The following OXNAD1 variants were observed in gnomAD, a reference collection of about 807,000 sequenced individuals.
The protein encoded by OXNAD1 is oxidoreductase NAD-binding domain-containing protein 1.
OXNAD1 carries 34 observed loss-of-function variants against 32.9 expected under a neutral mutation model. The ratio of observed to expected loss-of-function variants is 1.03; its 90% CI spans 0.79 to 1.38. The LOEUF (loss-of-function observed/expected upper bound fraction) is 1.38, where lower values mean the gene tolerates loss of function less well. OXNAD1 is among the 40% of genes most tolerant of loss of function. The pLI is 0.00. For synonymous variants in OXNAD1, 134 were observed against 135.2 expected (o/e 0.99, Z 0.06); for missense variants, 407 against 379.4 (o/e 1.07, Z -0.60).
Position 16,316,963 on chromosome 3 carries a change from C to T in OXNAD1, c.*30+13371C>T, listed in dbSNP as rs770403230. ...GGCTGGCAGGACCATTCTGCACAGC[C>T]TCACCCTCCACACCCACCCCACACA... On this transcript the variant is annotated intron_variant, in intron 9 of 9. Transcript: ENST00000435829. The surrounding 1 kb of genome is among the most constrained non-coding windows in gnomAD (Gnocchi z 4.5). The T allele has an allele frequency of 6.2e-7, 1 of 1,614,054 alleles. No individual in the cohort carries two copies. Among genetic ancestry groups the T allele is most frequent in the Non-Finnish European group, 8.5e-7 (1 of 1,180,012 alleles).
In OXNAD1 at chr3:16,303,537, A is replaced by C; in HGVS notation, c.914A>C (p.His305Pro). 6.2e-7 allele frequency: 1 copy of C among 1,614,018 alleles called. No homozygotes were observed. ...QLENNHVPKE[H>P]ICFEKWW ...GAAAACAACCATGTACCCAAAGAAC[A>C]CATTTGCTTTGAGAAGTGGTGGTAG... Residue 305 changes from histidine (H) to proline (P), a missense_variant, in exon 9 of 9, where the codon CAC (histidine) becomes CCC (proline). His to Pro is a moderately conservative substitution (Grantham distance 77, BLOSUM62 -2). Transcript: ENST00000285083. This position sits in a 1 kb window ranked among gnomAD's most constrained non-coding sequence, Gnocchi z 4.8.
At chr3:16,309,226 T>C (rs2067785484), downstream of OXNAD1, among the ~76,000 whole-genome samples, 1 of 152,222 alleles carries the variant, frequency 6.6e-6, no homozygotes, top group African/African-American at 2.4e-5. Flanking sequence ...TGTTTGGAGT[T>C]TTTGGCTATT....
At position 16,289,404 on chromosome 3, in the gene OXNAD1, T is replaced by G. The variant is rs2066281051; in HGVS notation, c.290+2956T>G. On this transcript the variant is annotated intron_variant, in intron 5 of 8. Coordinates refer to ENST00000285083, the MANE Select transcript of OXNAD1 (RefSeq NM_138381.5). The surrounding 1 kb of genome is among the most constrained non-coding windows in gnomAD (Gnocchi z 4.9). Reference sequence around the variant, plus strand: ...TGAGGGGAAGTAAGGCCAAAGCATTTTCACAGAGTGGAGGGAATTCCTGGT... The same window carrying G: ...TGAGGGGAAGTAAGGCCAAAGCATTGTCACAGAGTGGAGGGAATTCCTGGT... Among the ~76,000 whole-genome samples, 1 of 152,172 alleles carries G rather than the reference T, an allele frequency of 6.6e-6. No homozygotes were observed. Among genetic ancestry groups the G allele is most frequent in the Admixed American group, 6.5e-5 (1 of 15,284 alleles).
rs2070045060 is a variant in OXNAD1, at chr3:16,329,205, A to G, written c.*31-7907A>G. Among the ~76,000 whole-genome samples, 4 of 152,326 alleles carry G rather than the reference A, an allele frequency of 2.6e-5. No homozygotes were observed. The South Asian group carries it at 8.3e-4, about 32-fold the overall frequency. The stretch of plus-strand genomic sequence containing the variant: ...GGGATGACGCAGCAAGAAGGCCCTC[A>G]CAAGATGCCAGGCCCTCGACCTTGG... On this transcript the variant is annotated intron_variant, in intron 9 of 9. Transcript: ENST00000435829. This position sits in a 1 kb window ranked among gnomAD's most constrained non-coding sequence, Gnocchi z 4.5.
In OXNAD1 at chr3:16,301,868, G is replaced by A. The variant is rs2067211327; in HGVS notation, c.675G>A (p.Lys225=). The A allele has an allele frequency of 2.5e-6, 4 of 1,613,226 alleles. No individual in the cohort carries two copies. Among genetic ancestry groups the A allele is most frequent in the South Asian group, 1.1e-5 (1 of 91,010 alleles). ...SAKNTSELLF[K]KNILDLVNEF... The stretch of plus-strand genomic sequence containing the variant: ...AAAATACCAGCGAACTCCTGTTTAA[G>A]GTAAGGGAGGTATAGCTTGCTGTAA... Residue 225 remains lysine, a splice_region_variant and synonymous_variant, in exon 7 of 9, where the codon AAG becomes AAA. Transcript: ENST00000285083. This position sits in a 1 kb window ranked among gnomAD's most constrained non-coding sequence, Gnocchi z 4.1.
At chr3:16,295,575 C>T (rs2066728567) in intron 6 of OXNAD1, among the ~76,000 whole-genome samples, 1 of 152,182 alleles carries the variant, frequency 6.6e-6, no homozygotes, top group Non-Finnish European at 1.5e-5. Flanking sequence ...CTGTCATTAC[C>T]TACTAGAACT....
Position 16,301,364 on chromosome 3 carries a change from A to C in OXNAD1, c.433-262A>C, listed in dbSNP as rs1401647693. Among the ~76,000 whole-genome samples, 1 of 152,222 alleles carries C rather than the reference A, an allele frequency of 6.6e-6. No individual in the cohort carries two copies. Among genetic ancestry groups the C allele is most frequent in the Admixed American group, 6.5e-5 (1 of 15,282 alleles). ...AGTTCATCGCCTAAGAAGTTAACAAATGGTGAAATCACTGAAGCACATCTC... is the reference window on the plus strand; with the variant it reads ...AGTTCATCGCCTAAGAAGTTAACAACTGGTGAAATCACTGAAGCACATCTC... On this transcript the variant is annotated intron_variant, in intron 6 of 8. Coordinates refer to ENST00000285083, the MANE Select transcript of OXNAD1 (RefSeq NM_138381.5). This position sits in a 1 kb window ranked among gnomAD's most constrained non-coding sequence, Gnocchi z 4.1.
At chr3:16,296,229 A>G (rs2066781405) in intron 6 of OXNAD1, among the ~76,000 whole-genome samples, 1 of 152,214 alleles carries the variant, frequency 6.6e-6, no homozygotes, top group African/African-American at 2.4e-5. Flanking sequence ...CAGCTAGCTT[A>G]GGATACTCTC....
chr3:16,300,681 A>G (rs1309777132), intron 6 of OXNAD1, among the ~76,000 whole-genome samples: 1 of 152,212 alleles, frequency 6.6e-6, no homozygotes, highest in East Asian at 1.9e-4. Flanking sequence ...GAGTTGTATC[A>G]TTTGCTGATT....
At position 16,342,454 on chromosome 3, in the gene OXNAD1, C is replaced by T. The variant is rs985692972; in HGVS notation, c.*31-6722C>T. 6.6e-6 allele frequency among the ~76,000 whole-genome samples: 1 copy of T among 152,030 alleles called. No individual in the cohort carries two copies. The highest frequency in any genetic ancestry group is 1.5e-5 in the Non-Finnish European group (1 of 68,010). On this transcript the variant is annotated intron_variant, in intron 9 of 9. Coordinates refer to the OXNAD1 transcript ENST00000606098. The surrounding 1 kb of genome is among the most constrained non-coding windows in gnomAD (Gnocchi z 4.0). Reference sequence around the variant, plus strand: ...CATTTGATGAACATTTAAGTTGTTTCTACTTTTTGGACATTACAAATAAAG... The same window carrying T: ...CATTTGATGAACATTTAAGTTGTTTTTACTTTTTGGACATTACAAATAAAG...
At chr3:16,347,301 A>AG (rs975993863) in intron 9 of OXNAD1, among the ~76,000 whole-genome samples, 12 of 152,252 alleles carry the variant, frequency 7.9e-5, no homozygotes, top group South Asian at 4.1e-4. Context: ...TCCATTTTCT[A>AG]GGGGGGGCTA....
At position 16,269,208 on chromosome 3, in the gene OXNAD1, G is replaced by A. The variant is rs1575034790; in HGVS notation, c.-76G>A. The A allele has an allele frequency of 6.5e-7, 1 of 1,534,032 alleles. No individual in the cohort carries two copies. Among genetic ancestry groups the A allele is most frequent in the Non-Finnish European group, 8.7e-7 (1 of 1,146,298 alleles). Reference sequence around the variant, plus strand: ...TCCAAAAGTCTCAGTGTAATAGCAGGACCAAAATATTCTGTCAATCAGCTG... The same window carrying A: ...TCCAAAAGTCTCAGTGTAATAGCAGAACCAAAATATTCTGTCAATCAGCTG... On this transcript the variant is annotated 5_prime_UTR_variant, in exon 2 of 9. Transcript: ENST00000285083.
rs2066180460 is a variant in OXNAD1, at chr3:16,287,937, C to G, written c.290+1489C>G. ...TTCGTATGTGCCTGTCAGACTTCTT[C>G]GGAGGTCGGACTTGGCGGGTAAGGA... On this transcript the variant is annotated intron_variant, in intron 5 of 8. Coordinates refer to ENST00000285083, the MANE Select transcript of OXNAD1 (RefSeq NM_138381.5). This position sits in a 1 kb window ranked among gnomAD's most constrained non-coding sequence, Gnocchi z 4.8. Among the ~76,000 whole-genome samples the G allele has an allele frequency of 6.6e-6, 1 of 152,152 alleles. No individual in the cohort carries two copies. Among genetic ancestry groups the G allele is most frequent in the African/African-American group, 2.4e-5 (1 of 41,414 alleles).
rs1339001273 is a variant in OXNAD1, at chr3:16,335,664, A to G, written c.*31-1448A>G. On this transcript the variant is annotated intron_variant, in intron 9 of 9. Coordinates refer to the OXNAD1 transcript ENST00000435829. The surrounding 1 kb of genome is among the most constrained non-coding windows in gnomAD (Gnocchi z 4.7). ...GGGAGAGCATCAGGAAAAATAGCTA[A>G]TGGATGCTGGGCTTCATACCTAGGT... Among the ~76,000 whole-genome samples the G allele has an allele frequency of 2.6e-5, 4 of 152,026 alleles. No homozygotes were observed. The highest frequency in any genetic ancestry group is 9.7e-5 in the African/African-American group (4 of 41,366).
intron 2 of OXNAD1, 127 bp downstream of exon 2, chr3:16,269,402 A>G: frequency 1.0e-6 from 1 of 976,458 alleles, no homozygotes; most frequent in Non-Finnish European, 1.5e-6. Context: ...TTCATTTAGT[A>G]AAGAGAAAAA....
Position 16,348,017 on chromosome 3 carries a change from T to C in OXNAD1, c.*31-1159T>C, listed in dbSNP as rs559309046. 1.3e-5 allele frequency: 2 copies of C among 152,286 alleles called. No homozygotes were observed. The highest frequency in any genetic ancestry group is 2.9e-5 in the Non-Finnish European group (2 of 68,048). 9.4% of individuals were successfully genotyped at this position (152,286 alleles called of 1,614,324 possible). A position where few individuals can be genotyped will look rare whatever the true frequency, so the allele number is the denominator to read the frequency against. On this transcript the variant is annotated intron_variant, in intron 9 of 9. Transcript: ENST00000606098. The surrounding 1 kb of genome is among the most constrained non-coding windows in gnomAD (Gnocchi z 6.3). ...TGACCAGCGGCTCAGTCTGATCCTG[T>C]GGGGAGCTCTGAGGGGTGAGTTATG...
At chr3:16,282,856 A>G (rs842269) in intron 4 of OXNAD1, among the ~76,000 whole-genome samples, 85,406 of 125,996 alleles carry the variant, frequency 0.68, 29,418 homozygotes, top group African/African-American at 0.83. Context: ...GTGATTGAGT[A>G]GTAGAGAGCC....
chr3:16,269,421 A>C, intron 2 of OXNAD1, 146 bp downstream of exon 2: 1 of 770,848 alleles, frequency 1.3e-6, no homozygotes, highest in Non-Finnish European at 2.0e-6. Flanking sequence ...AATAGCAAGT[A>C]GCATGCTTAT....
At position 16,265,758 on chromosome 3, in the gene OXNAD1, TTAAAC is replaced by T. The variant is rs990177042; in HGVS notation, c.-159+255_-159+259del. 5 of 570,940 alleles carry T rather than the reference TTAAAC, an allele frequency of 8.8e-6. No individual in the cohort carries two copies. The highest frequency in any genetic ancestry group is 1.1e-5 in the Non-Finnish European group (5 of 451,668). The allele number at this position is 570,940 out of a possible 1,614,324, so 35.4% of individuals were successfully genotyped here. A position where few individuals can be genotyped will look rare whatever the true frequency, so the allele number is the denominator to read the frequency against. ...ACATGTTATTCCATTTTATTAATCTTTAAACTGAGGTACAGAGAGTTGGGCATCTT... is the reference window on the plus strand; with the variant it reads ...ACATGTTATTCCATTTTATTAATCTTTGAGGTACAGAGAGTTGGGCATCTT... On this transcript the variant is annotated intron_variant, in intron 1 of 8. Coordinates refer to ENST00000285083, the MANE Select transcript of OXNAD1 (RefSeq NM_138381.5). The surrounding 1 kb of genome is among the most constrained non-coding windows in gnomAD (Gnocchi z 4.8).
Sources: allele counts gnomAD v4.1 joint callset (sites outside exome capture counted in the v4.1 genomes callset), GRCh38; gene constraint gnomAD v4.1.1; non-coding constraint Gnocchi (gnomAD v3.1); transcripts MANE v1.5; gene names NCBI Gene and HGNC (gene_info 2026-07-23, HGNC 2026-07-21).